Variants in SDK1 observed in about 807,000 individuals in gnomAD.
SDK1 encodes the protein protein sidekick-1.
In SDK1, 157 loss-of-function variants were observed where a neutral mutation model predicts 245.5. The observed-to-expected ratio is 0.64, with a 90% CI of 0.56 to 0.73. The LOEUF is 0.73. SDK1 is among the 30% of genes least tolerant of loss of function. The pLI, the probability that SDK1 is intolerant of heterozygous loss-of-function variation, is 0.00. For synonymous variants in SDK1, 1,647 were observed against 1,278.5 expected, an observed-to-expected ratio of 1.29 and a Z score of -6.15; for missense variants, 3,583 against 3,002.3, an observed-to-expected ratio of 1.19 and a Z score of -4.52.
chr7:3,728,924 C>A (rs1043685344), intron 4 of SDK1, among the ~76,000 whole-genome samples: 7 of 151,954 alleles, frequency 4.6e-5, no homozygotes, highest in African/African-American at 1.5e-4. Context: ...TTCTAAGAGA[C>A]CTATCTCTCT....
intron 17 of SDK1, among the ~76,000 whole-genome samples, chr7:4,043,195 G>A (rs1788764511): frequency 6.6e-6 from 1 of 151,846 alleles, no homozygotes; most frequent in Non-Finnish European, 1.5e-5. Flanking sequence ...AGTAGAGTGA[G>A]TGTCACAGCC....
At chr7:4,122,224 G>A (rs528965159) in intron 25 of SDK1, among the ~76,000 whole-genome samples, 3 of 152,234 alleles carry the variant, frequency 2.0e-5, no homozygotes, top group South Asian at 2.1e-4. Context: ...GCCCTCCCAG[G>A]TGCAGCAGTT....
At chr7:3,553,514 C>T (rs144793400) in intron 1 of SDK1, among the ~76,000 whole-genome samples, 77 of 152,236 alleles carry the variant, frequency 5.1e-4, no homozygotes, top group African/African-American at 1.8e-3. Flanking sequence ...CATTCCCTCA[C>T]CCATCAGGAG....
At chr7:3,324,534 G>A (rs144686920) in intron 1 of SDK1, among the ~76,000 whole-genome samples, 1 of 152,244 alleles carries the variant, frequency 6.6e-6, no homozygotes, top group East Asian at 1.9e-4. Context: ...TTGCTCCTGA[G>A]TATGGGACCT....
chr7:3,449,146 C>A (rs997733281), intron 1 of SDK1, among the ~76,000 whole-genome samples: 1 of 152,188 alleles, frequency 6.6e-6, no homozygotes, highest in Admixed American at 6.5e-5. Flanking sequence ...ACAACATAAG[C>A]TCTGTAGGAA....
At chr7:3,647,012 C>T (rs1173185248) in intron 4 of SDK1, among the ~76,000 whole-genome samples, 1 of 152,144 alleles carries the variant, frequency 6.6e-6, no homozygotes, top group East Asian at 1.9e-4. Flanking sequence ...GAAAGATGTG[C>T]TGAAGATGGA....
rs920316905 is a variant in SDK1, at chr7:3,379,252, G to A, written c.298+77368G>A. ...GAAGACCTGTCACGATGGAGCTTAT[G>A]TATGGTCTTGTTGGGGAGACAGGCA... On this transcript the variant is annotated intron_variant, in intron 1 of 44. Transcript: ENST00000404826. Among the ~76,000 whole-genome samples the A allele has an allele frequency of 1.2e-4, 18 of 152,172 alleles. 1 individual carries two copies. The highest frequency in any genetic ancestry group is 1.2e-3 in the Admixed American group (18 of 15,278).
At chr7:4,131,938 G>C (rs1784853317) in intron 27 of SDK1, among the ~76,000 whole-genome samples, 1 of 152,144 alleles carries the variant, frequency 6.6e-6, no homozygotes, top group Non-Finnish European at 1.5e-5. Flanking sequence ...GTCAAACCCA[G>C]TAAGGGAATC....
In SDK1 at chr7:4,092,495, C is replaced by A. The variant is rs1040381380; in HGVS notation, c.3324+12911C>A. ...GTATAGATGAGGCCTCTGGGGCCTC[C>A]TATACCTCACCCCCTTTGAATGGGA... On this transcript the variant is annotated intron_variant, in intron 22 of 44. Transcript: ENST00000404826. Among the ~76,000 whole-genome samples, 3 of 152,150 alleles carry A rather than the reference C, an allele frequency of 2.0e-5. No homozygotes were observed. The East Asian group carries it at 5.8e-4, about 29-fold the overall frequency.
intron 2 of SDK1, among the ~76,000 whole-genome samples, chr7:3,621,195 G>C (rs1303822827): frequency 6.6e-6 from 1 of 152,132 alleles, no homozygotes; most frequent in Non-Finnish European, 1.5e-5. Flanking sequence ...TTGTTAGAAG[G>C]GGTGTAAGAA....
At chr7:3,499,581 A>G (rs1782130958) in intron 1 of SDK1, among the ~76,000 whole-genome samples, 1 of 152,188 alleles carries the variant, frequency 6.6e-6, no homozygotes. Context: ...TTTATGGACT[A>G]ACCACCCCAT....
intron 2 of SDK1, among the ~76,000 whole-genome samples, chr7:3,636,346 G>C (rs968063783): frequency 2.0e-5 from 3 of 152,150 alleles, no homozygotes; most frequent in Non-Finnish European, 4.4e-5. Flanking sequence ...GAAACTTCCT[G>C]CCCTTGGATT....
At chr7:3,825,667 AT>A (rs1779756960) in intron 5 of SDK1, among the ~76,000 whole-genome samples, 1 of 152,202 alleles carries the variant, frequency 6.6e-6, no homozygotes, top group African/African-American at 2.4e-5. Flanking sequence ...TATAATGCTA[AT>A]TTAACTGCAG....
intron 4 of SDK1, among the ~76,000 whole-genome samples, chr7:3,818,921 G>A (rs1709439598): frequency 6.6e-6 from 1 of 152,184 alleles, no homozygotes; most frequent in Non-Finnish European, 1.5e-5. Flanking sequence ...TTGCATGGCT[G>A]GATTGCAGGG....
At chr7:4,102,498 C>G (rs749987276) in intron 22 of SDK1, among the ~76,000 whole-genome samples, 2 of 152,198 alleles carry the variant, frequency 1.3e-5, no homozygotes, top group Non-Finnish European at 2.9e-5. Flanking sequence ...GCCACCTCCT[C>G]ACGTCCCTCC....
intron 3 of SDK1, among the ~76,000 whole-genome samples, chr7:3,640,300 G>C (rs866806842): frequency 6.6e-6 from 1 of 152,150 alleles, no homozygotes; most frequent in East Asian, 1.9e-4. Flanking sequence ...GTACTATTTG[G>C]TGATGACAGA....
intron 1 of SDK1, among the ~76,000 whole-genome samples, chr7:3,380,178 T>G (rs1286884866): frequency 6.6e-6 from 1 of 152,178 alleles, no homozygotes; most frequent in Non-Finnish European, 1.5e-5. Flanking sequence ...TATCTTATGG[T>G]TTGGCTTATG....
chr7:3,991,680 C>T (rs1365585203), intron 14 of SDK1, among the ~76,000 whole-genome samples: 2 of 152,188 alleles, frequency 1.3e-5, no homozygotes, highest in Non-Finnish European at 2.9e-5. Context: ...CCTTCAGAGC[C>T]TGGAGTGTGG....
chr7:4,250,430 G>T (rs1350262299), intron 44 of SDK1, among the ~76,000 whole-genome samples: 1 of 151,686 alleles, frequency 6.6e-6, no homozygotes, highest in African/African-American at 2.4e-5. Context: ...TCTAACCTCC[G>T]CCTCCTGGGT....
Sources: gnomAD v4.1 joint callset for allele counts (sites outside exome capture counted in the v4.1 genomes callset) on GRCh38, gnomAD v4.1.1 for gene constraint, MANE v1.5 for transcripts, NCBI Gene and HGNC (gene_info 2026-07-23, HGNC 2026-07-21) for gene names.